TBC1D5: variants seen among roughly 807,000 people sequenced by gnomAD.
The protein encoded by TBC1D5 is TBC1 domain family member 5.
A neutral mutation model predicts 100.3 loss-of-function variants in TBC1D5; 75 were observed. The observed-to-expected ratio is 0.75, with a 90% CI of 0.62 to 0.91. The LOEUF is 0.91. Ranked by LOEUF, TBC1D5 falls within the 40% of genes least tolerant of loss-of-function variation. TBC1D5 has a pLI of 0.00. For synonymous variants in TBC1D5, 323 were observed against 325.6 expected (o/e 0.99, Z 0.09); for missense variants, 910 against 942.4 (o/e 0.97, Z 0.45).
intron 16 of TBC1D5, among the ~76,000 whole-genome samples, chr3:17,250,461 A>G (rs1240650654): frequency 6.6e-6 from 1 of 152,180 alleles, no homozygotes; most frequent in African/African-American, 2.4e-5. Flanking sequence ...GGCAAGCCCT[A>G]CATGATCTAG....
chr3:17,529,791 C>T (rs73155225), intron 2 of TBC1D5, among the ~76,000 whole-genome samples: 10,455 of 151,802 alleles, frequency 0.069, 693 homozygotes, highest in African/African-American at 0.18. Context: ...GGATTTGAGG[C>T]GTGTGCCATG....
chr3:17,181,179 C>T (rs145405584), intron 19 of TBC1D5, among the ~76,000 whole-genome samples: 52 of 152,280 alleles, frequency 3.4e-4, no homozygotes, highest in African/African-American at 1.3e-3. Context: ...AGCTCACACA[C>T]CTCATCTTAG....
chr3:17,675,867 G>T (rs1013047884), intron 1 of TBC1D5, among the ~76,000 whole-genome samples: 7 of 152,110 alleles, frequency 4.6e-5, no homozygotes, highest in African/African-American at 1.7e-4. Flanking sequence ...TGATTGAAAT[G>T]ATATGCTAAT....
chr3:17,444,203 T>C (rs1176764199), intron 3 of TBC1D5, among the ~76,000 whole-genome samples: 1 of 151,962 alleles, frequency 6.6e-6, no homozygotes, highest in Non-Finnish European at 1.5e-5. Flanking sequence ...CATTAAAAAC[T>C]TGTACACTTG....
chr3:17,451,616 T>C (rs2094928994), intron 3 of TBC1D5, among the ~76,000 whole-genome samples: 1 of 152,046 alleles, frequency 6.6e-6, no homozygotes, highest in South Asian at 2.1e-4. Context: ...GATCTAGAAC[T>C]AGAAATAACA....
At chr3:17,218,879 G>A (rs952675706) in intron 17 of TBC1D5, among the ~76,000 whole-genome samples, 9 of 151,738 alleles carry the variant, frequency 5.9e-5, no homozygotes, top group African/African-American at 2.2e-4. Context: ...ATATATCTAG[G>A]TGTAGATCTG....
chr3:17,648,144 T>C (rs1034324388), intron 1 of TBC1D5, among the ~76,000 whole-genome samples: 7 of 151,828 alleles, frequency 4.6e-5, no homozygotes, highest in Non-Finnish European at 8.8e-5. Flanking sequence ...CGCAGACCAA[T>C]GGAACAGAAT....
intron 3 of TBC1D5, among the ~76,000 whole-genome samples, chr3:17,431,706 T>C (rs1056816401): frequency 2.6e-5 from 4 of 152,044 alleles, no homozygotes; most frequent in Admixed American, 2.0e-4. Context: ...GATAGTTACA[T>C]TGGCTTAAAT....
intron 17 of TBC1D5, among the ~76,000 whole-genome samples, chr3:17,230,178 C>T (rs891213452): frequency 5.3e-5 from 8 of 152,030 alleles, no homozygotes; most frequent in Admixed American, 2.6e-4. Context: ...TGAGTGGAAG[C>T]TGTCTCTTTT....
intron 13 of TBC1D5, among the ~76,000 whole-genome samples, chr3:17,327,304 G>C (rs1247332653): frequency 6.6e-6 from 1 of 152,134 alleles, no homozygotes; most frequent in African/African-American, 2.4e-5. Flanking sequence ...GTCCATTCTA[G>C]TCACTGATTC....
chr3:17,375,208 G>A (rs977132688), intron 10 of TBC1D5, among the ~76,000 whole-genome samples: 2 of 151,728 alleles, frequency 1.3e-5, no homozygotes, highest in African/African-American at 4.8e-5. Context: ...ATATTTTTTT[G>A]TAAATTATAT....
At chr3:17,694,360 A>T (rs2071664180) in intron 1 of TBC1D5, among the ~76,000 whole-genome samples, 3 of 152,214 alleles carry the variant, frequency 2.0e-5, no homozygotes, top group Admixed American at 2.0e-4. Flanking sequence ...AAAATGTTAG[A>T]TGAATGGCTA....
At chr3:17,365,289 G>A (rs936774075) in intron 13 of TBC1D5, among the ~76,000 whole-genome samples, 1 of 152,024 alleles carries the variant, frequency 6.6e-6, no homozygotes, top group Admixed American at 6.6e-5. Flanking sequence ...AAAGGCATGT[G>A]GATGGTACCC....
At chr3:17,331,286 C>T (rs1000574697) in intron 13 of TBC1D5, among the ~76,000 whole-genome samples, 2 of 152,162 alleles carry the variant, frequency 1.3e-5, no homozygotes, top group Non-Finnish European at 2.9e-5. Flanking sequence ...AGTGTCAACT[C>T]GTTCTTAATC....
chr3:17,717,346 C>T (rs1218125833), intron 1 of TBC1D5, among the ~76,000 whole-genome samples: 2 of 151,640 alleles, frequency 1.3e-5, no homozygotes, highest in Admixed American at 6.6e-5. Flanking sequence ...AACTTTCACA[C>T]ATTAACATAA....
exon 7 of TBC1D5, chr3:17,404,751 C>T (rs752029741): frequency 2.5e-6 from 4 of 1,608,234 alleles, no homozygotes; most frequent in Non-Finnish European, 3.4e-6. Flanking sequence ...CAACAACCTT[C>T]CTCGGGTTGG....
intron 1 of TBC1D5, among the ~76,000 whole-genome samples, chr3:17,727,845 G>T (rs2076246438): frequency 6.6e-6 from 1 of 152,152 alleles, no homozygotes; most frequent in Admixed American, 6.5e-5. Flanking sequence ...CACATAAATA[G>T]AACTGCATGC....
chr3:17,346,477 A>C (rs2089897358), intron 13 of TBC1D5, among the ~76,000 whole-genome samples: 1 of 152,144 alleles, frequency 6.6e-6, no homozygotes, highest in African/African-American at 2.4e-5. Context: ...AGAAATTTTA[A>C]TATATTAAGG....
chr3:17,342,019 T>C (rs1442657754), intron 13 of TBC1D5, among the ~76,000 whole-genome samples: 1 of 152,200 alleles, frequency 6.6e-6, no homozygotes, highest in Admixed American at 6.5e-5. Context: ...CCATCAGCTT[T>C]CTAACTAGTC....
Sources: allele counts gnomAD v4.1 joint callset (sites outside exome capture counted in the v4.1 genomes callset), GRCh38; gene constraint gnomAD v4.1.1; transcripts MANE v1.5; gene names NCBI Gene and HGNC (gene_info 2026-07-23, HGNC 2026-07-21).